The following ANK1 variants were observed in gnomAD, a reference collection of about 807,000 sequenced individuals.
The protein encoded by ANK1 is ankyrin 1.
In ANK1, 51 loss-of-function variants were observed where a neutral mutation model predicts 210.4. The observed-to-expected ratio is 0.24, with a 90% CI of 0.19 to 0.31. The LOEUF is 0.31. ANK1 is among the 10% of genes least tolerant of loss of function. The pLI is 1.00. For missense variants in ANK1, 2,051 were observed against 2,504.4 expected, an observed-to-expected ratio of 0.82 and a Z score of 3.86; for synonymous variants, 967 against 1,025.9, an observed-to-expected ratio of 0.94 and a Z score of 1.10.
Position 41,655,128 on chromosome 8 carries a change from TGGTGTGTGTGTGTGTG to T in ANK1, c.*646_*661del. Reference sequence around the variant, plus strand: ...TGTGTGTAGATTCAGTGGAGGCGAGTGGTGTGTGTGTGTGTGTGTGTGTGTCCTGAATGTCATGTAG... The same window carrying T: ...TGTGTGTAGATTCAGTGGAGGCGAGTTGTGTGTGTCCTGAATGTCATGTAG... On this transcript the variant is annotated 3_prime_UTR_variant, in exon 43 of 43. Coordinates refer to ENST00000289734, the MANE Select transcript of ANK1 (RefSeq NM_000037.4). The T allele has an allele frequency of 3.2e-5, 1 of 31,484 alleles. No homozygotes were observed. Among genetic ancestry groups the T allele is most frequent in the Non-Finnish European group, 7.1e-5 (1 of 14,174 alleles). 2.0% of individuals were successfully genotyped at this position (31,484 alleles called of 1,614,324 possible).
Position 41,708,940 on chromosome 8 carries a change from C to T in ANK1, c.1836G>A (p.Gln612=). Residue 612 remains glutamine (Q), a synonymous_variant, in exon 17 of 43, where the codon CAG becomes CAA. Transcript: ENST00000289734. ...GYTPLHIAAK[Q]NQVEVARSLL... ...GACTACGGGCCACCTCCACCTGGTT[C>T]TGCTTGGCAGCGATGTGCAAAGGGG... The T allele has an allele frequency of 6.2e-7, 1 of 1,614,096 alleles. No homozygotes were observed. The highest frequency in any genetic ancestry group is 8.5e-7 in the Non-Finnish European group (1 of 1,180,024).
chr8:41,663,528 C>CACGG, intron 40 of ANK1, 131 bp downstream of exon 40: 1 of 878,572 alleles, frequency 1.1e-6, no homozygotes, highest in Non-Finnish European at 1.9e-6. Context: ...CCCTCCTGAG[C>CACGG]ACGGGGGCAG....
intron 37 of ANK1, among the ~76,000 whole-genome samples, chr8:41,673,565 G>A (rs977650943): frequency 6.6e-6 from 1 of 152,160 alleles, no homozygotes; most frequent in Non-Finnish European, 1.5e-5. Flanking sequence ...ATGATCTAAA[G>A]TGCTACAGGG....
rs778206121 is a variant in ANK1 at position 41,702,114 on chromosome 8, G to A, written c.2326C>T (p.Arg776Cys). ...TCGGTGACAGAAATGTAGCCCAAGC[G>A]CTTGGCTATGGCCAGAGGTGTGGTT... is the stretch of plus-strand genomic sequence containing the variant. ...DGTTPLAIAK[R>C]LGYISVTDVL... Residue 776 changes from arginine (R) to cysteine (C), a missense_variant, in exon 21 of 43, where the codon CGC becomes TGC. By Grantham distance (180) the Arg-to-Cys change is radical. Coordinates refer to ENST00000289734, the MANE Select transcript of ANK1 (RefSeq NM_000037.4). The A allele has an allele frequency of 6.2e-7, 1 of 1,614,208 alleles. No homozygotes were observed. Among genetic ancestry groups the A allele is most frequent in the East Asian group, 2.2e-5 (1 of 44,882 alleles).
At chr8:41,787,873 G>A (rs1846751269) in intron 1 of ANK1, among the ~76,000 whole-genome samples, 1 of 151,986 alleles carries the variant, frequency 6.6e-6, no homozygotes, top group African/African-American at 2.4e-5. Context: ...GGGGGAGGAG[G>A]AGGAGGAGAA....
intron 1 of ANK1, among the ~76,000 whole-genome samples, chr8:41,831,775 C>T (rs1806700402): frequency 6.6e-6 from 1 of 152,212 alleles, no homozygotes; most frequent in Admixed American, 6.5e-5. Context: ...ATCACCGCCC[C>T]AGACTGGAGT....
chr8:41,798,134 G>A (rs948410156), upstream of ANK1, among the ~76,000 whole-genome samples: 9 of 151,962 alleles, frequency 5.9e-5, no homozygotes, highest in African/African-American at 2.2e-4. Flanking sequence ...GGGGAGCGCT[G>A]AGCCAGGGCG....
intron 16 of ANK1, among the ~76,000 whole-genome samples, chr8:41,713,768 G>C (rs1278297796): frequency 6.6e-6 from 1 of 152,220 alleles, no homozygotes. Flanking sequence ...ACACTGCACA[G>C]TCCCACGGAG....
chr8:41,821,239 T>C (rs1804211471), intron 1 of ANK1, among the ~76,000 whole-genome samples: 2 of 152,128 alleles, frequency 1.3e-5, no homozygotes, highest in Non-Finnish European at 2.9e-5. Flanking sequence ...ATACAACATA[T>C]ACAAAATAGA....
At chr8:41,702,256 G>T in intron 20 of ANK1, 112 bp from the exon 21 acceptor site, 1 of 813,008 alleles carries the variant, frequency 1.2e-6, no homozygotes, top group Non-Finnish European at 2.0e-6. Context: ...GAGGACCTGA[G>T]TGGACAGACG....
At position 41,770,975 on chromosome 8, in the gene ANK1, A is replaced by G. The variant is rs554198014; in HGVS notation, c.28-12838T>C. Among the ~76,000 whole-genome samples the G allele has an allele frequency of 7.9e-5, 12 of 152,322 alleles. No individual in the cohort carries two copies. The East Asian group carries it at 1.7e-3, about 22-fold the overall frequency. On this transcript the variant is annotated intron_variant, in intron 1 of 42. Transcript: ENST00000289734. ...AGACAGCTTGGTTCTCATGTTCCAA[A>G]TTCCCAGTCCCTCTCCCTTGCTTTC...
At chr8:41,667,168 C>G (rs1810831112) in intron 39 of ANK1, among the ~76,000 whole-genome samples, 1 of 152,208 alleles carries the variant, frequency 6.6e-6, no homozygotes, top group African/African-American at 2.4e-5. Context: ...GCTGGCCCTG[C>G]CCGGGGCACA....
intron 1 of ANK1, among the ~76,000 whole-genome samples, chr8:41,793,709 T>G (rs1354876030): frequency 1.3e-5 from 2 of 152,206 alleles, no homozygotes; most frequent in African/African-American, 4.8e-5. Flanking sequence ...TTGTTCCGCT[T>G]TATCCATGCC....
chr8:41,707,824 T>C (rs56702141), intron 17 of ANK1, among the ~76,000 whole-genome samples: 44,837 of 152,058 alleles, frequency 0.29, 6,824 homozygotes, highest in South Asian at 0.34. Context: ...TGTGCCAGAT[T>C]TTGTACAAAA....
intron 1 of ANK1, among the ~76,000 whole-genome samples, chr8:41,848,421 T>C (rs1032219568): frequency 6.6e-6 from 1 of 152,130 alleles, no homozygotes; most frequent in African/African-American, 2.4e-5. Flanking sequence ...GCGTGAAGCA[T>C]TAACAGTCAC....
At chr8:41,868,259 G>A (rs889104593) in intron 1 of ANK1, among the ~76,000 whole-genome samples, 2 of 152,238 alleles carry the variant, frequency 1.3e-5, no homozygotes, top group African/African-American at 4.8e-5. Context: ...ATTCCTTGCT[G>A]TAGGGGGCCA....
chr8:41,835,320 C>T (rs1324463233), intron 1 of ANK1, among the ~76,000 whole-genome samples: 1 of 152,088 alleles, frequency 6.6e-6, no homozygotes, highest in Non-Finnish European at 1.5e-5. Flanking sequence ...GGCGTGGTGG[C>T]GGGTGCCTGT....
intron 39 of ANK1, 102 bp downstream of exon 39, chr8:41,668,165 T>G (rs1462984993): frequency 6.6e-7 from 1 of 1,504,968 alleles, no homozygotes; most frequent in African/African-American, 1.4e-5. Context: ...GAAGGGGATA[T>G]GCTTAGCTCA....
At chr8:41,666,186 C>T (rs1319895590) in intron 39 of ANK1, among the ~76,000 whole-genome samples, 1 of 152,312 alleles carries the variant, frequency 6.6e-6, no homozygotes, top group East Asian at 1.9e-4. Context: ...CTCAAGGCTG[C>T]TGGGACAATC....
Sources: allele counts gnomAD v4.1 joint callset (sites outside exome capture counted in the v4.1 genomes callset), GRCh38; gene constraint gnomAD v4.1.1; transcripts MANE v1.5; gene names NCBI Gene and HGNC (gene_info 2026-07-23, HGNC 2026-07-21).